Variants in UNC13C observed in about 807,000 individuals in gnomAD.
The protein encoded by UNC13C is protein unc-13 homolog C.
A neutral mutation model predicts 245.4 loss-of-function variants in UNC13C; 174 were observed. The observed-to-expected ratio is 0.71, with a 90% CI of 0.63 to 0.80. The LOEUF (loss-of-function observed/expected upper bound fraction) is 0.80, where lower values mean the gene tolerates loss of function less well. Ranked by LOEUF, UNC13C falls within the 30% of genes least tolerant of loss-of-function variation. UNC13C has a pLI of 0.00. For synonymous variants in UNC13C, 992 were observed against 895.1 expected (o/e 1.11, Z -1.93); for missense variants, 2,829 against 2,602.9 (o/e 1.09, Z -1.89).
intron 19 of UNC13C, among the ~76,000 whole-genome samples, chr15:54,426,350 T>C (rs1438955289): frequency 6.7e-6 from 1 of 148,360 alleles, no homozygotes; most frequent in Non-Finnish European, 1.5e-5. Context: ...AGAGTTCAGT[T>C]TCTCAAAAGT....
chr15:54,134,302 G>A (rs1796900307), intron 2 of UNC13C, among the ~76,000 whole-genome samples: 1 of 144,674 alleles, frequency 6.9e-6, no homozygotes, highest in Non-Finnish European at 1.5e-5. Flanking sequence ...TTACTTATAA[G>A]TGAAATAATA....
intron 19 of UNC13C, among the ~76,000 whole-genome samples, chr15:54,485,698 G>C (rs1596464710): frequency 6.6e-6 from 1 of 152,256 alleles, no homozygotes; most frequent in East Asian, 1.9e-4. Flanking sequence ...GTTTCTCTCT[G>C]AACCCAGATC....
chr15:54,185,108 C>G (rs8041997), intron 4 of UNC13C, among the ~76,000 whole-genome samples: 1 of 151,786 alleles, frequency 6.6e-6, no homozygotes, highest in South Asian at 2.1e-4. Context: ...CACTTTTTGA[C>G]GGGGTTGTTT....
intron 6 of UNC13C, among the ~76,000 whole-genome samples, chr15:54,236,664 G>T (rs58469923): frequency 0.049 from 7,451 of 152,164 alleles, 615 homozygotes; most frequent in African/African-American, 0.17. Context: ...ATAGTTTTAG[G>T]GAATATATTT....
chr15:54,631,024 A>ATAAAG (rs965692695), downstream of UNC13C: 4 of 152,146 alleles, frequency 2.6e-5, no homozygotes, highest in Non-Finnish European at 5.9e-5. Flanking sequence ...ATCGATGAAA[A>ATAAAG]TAAAGTAATG....
the UNC13C span, among the ~76,000 whole-genome samples, chr15:53,955,177 A>G: frequency 2.0e-5 from 3 of 151,976 alleles, no homozygotes; most frequent in Non-Finnish European, 4.4e-5. Context: ...TATCTATAGT[A>G]TTTCCCCTGC....
chr15:54,455,584 G>A (rs1891474638), intron 19 of UNC13C, among the ~76,000 whole-genome samples: 1 of 148,458 alleles, frequency 6.7e-6, no homozygotes, highest in Non-Finnish European at 1.5e-5. Context: ...CTGCACTGTG[G>A]TTTTGATTTG....
At chr15:54,073,998 TTTTATGGC>T (rs1898462986) in intron 2 of UNC13C, among the ~76,000 whole-genome samples, 1 of 152,234 alleles carries the variant, frequency 6.6e-6, no homozygotes, top group South Asian at 2.1e-4. Context: ...CTTCTAGGAT[TTTTATGGC>T]TTTAGTTGTT....
At chr15:53,987,873 A>G (rs938828995) in intron 1 of UNC13C, among the ~76,000 whole-genome samples, 2 of 151,974 alleles carry the variant, frequency 1.3e-5, no homozygotes, top group African/African-American at 4.8e-5. Flanking sequence ...CTTTTGCCCT[A>G]ATTAAACTAT....
chr15:54,156,533 G>T (rs111742024), intron 4 of UNC13C, among the ~76,000 whole-genome samples: 4,185 of 152,092 alleles, frequency 0.028, 82 homozygotes, highest in Non-Finnish European at 0.042. Context: ...AATTTAGAAG[G>T]TTCCCCACGT....
the UNC13C span, among the ~76,000 whole-genome samples, chr15:53,862,359 G>A: frequency 2.0e-4 from 30 of 152,224 alleles, no homozygotes; most frequent in Non-Finnish European, 3.4e-4. Flanking sequence ...TATATTTTAA[G>A]CTCAATGCCT....
At chr15:54,518,681 A>ATTC (rs1895084825) in intron 24 of UNC13C, among the ~76,000 whole-genome samples, 4 of 152,182 alleles carry the variant, frequency 2.6e-5, no homozygotes, top group African/African-American at 7.2e-5. Flanking sequence ...ATAATGGCTC[A>ATTC]CAGAGAACAC....
At chr15:54,262,672 T>C (rs1395184455) in intron 8 of UNC13C, among the ~76,000 whole-genome samples, 1 of 151,824 alleles carries the variant, frequency 6.6e-6, no homozygotes, top group Non-Finnish European at 1.5e-5. Context: ...GAATTCATTC[T>C]TTTTTTTGTC....
the UNC13C span, among the ~76,000 whole-genome samples, chr15:53,902,945 T>C: frequency 1.3e-5 from 2 of 152,256 alleles, no homozygotes; most frequent in East Asian, 3.9e-4. Flanking sequence ...AAAGGGTTGG[T>C]AGGGACAGTG....
chr15:53,975,201 A>G (rs1893657748), upstream of UNC13C, among the ~76,000 whole-genome samples: 1 of 152,256 alleles, frequency 6.6e-6, no homozygotes, highest in Non-Finnish European at 1.5e-5. Context: ...ATTTAAGAAC[A>G]GAACTTAACG....
At chr15:54,373,267 T>C (rs1351778693) in intron 17 of UNC13C, among the ~76,000 whole-genome samples, 2 of 152,192 alleles carry the variant, frequency 1.3e-5, no homozygotes, top group Non-Finnish European at 2.9e-5. Flanking sequence ...CTGGGAGTGT[T>C]GCTTCATTAG....
In UNC13C at chr15:54,500,820, C is replaced by T; in HGVS notation, c.5158-15C>T. The stretch of plus-strand genomic sequence containing the variant: ...AATGTACTGTTTGGGATGGTTTCAC[C>T]TCCTCTCCCCACAGTTCCAGCAGAC... On this transcript the variant is annotated splice_polypyrimidine_tract_variant and intron_variant, in intron 21 of 32. Coordinates refer to ENST00000260323, the MANE Select transcript of UNC13C (RefSeq NM_001080534.3). 3.1e-6 allele frequency: 5 copies of T among 1,611,184 alleles called. No homozygotes were observed. Among genetic ancestry groups the T allele is most frequent in the Non-Finnish European group, 3.4e-6 (4 of 1,178,422 alleles).
At chr15:54,447,287 A>T (rs147277368) in intron 19 of UNC13C, among the ~76,000 whole-genome samples, 125 of 152,328 alleles carry the variant, frequency 8.2e-4, no homozygotes, top group African/African-American at 2.9e-3. Context: ...GATACCTCAT[A>T]AAATGAGTTA....
intron 2 of UNC13C, among the ~76,000 whole-genome samples, chr15:54,025,370 A>T (rs1896067046): frequency 6.6e-6 from 1 of 152,232 alleles, no homozygotes; most frequent in Non-Finnish European, 1.5e-5. Flanking sequence ...AATACTGGGT[A>T]ACATTTATTA....
Sources: allele counts gnomAD v4.1 joint callset (sites outside exome capture counted in the v4.1 genomes callset), GRCh38; gene constraint gnomAD v4.1.1; transcripts MANE v1.5; gene names NCBI Gene and HGNC (gene_info 2026-07-23, HGNC 2026-07-21).